The following ZSWIM9 variants were observed in gnomAD, a reference collection of about 807,000 sequenced individuals.
The protein encoded by ZSWIM9 is zinc finger SWIM-type containing 9.
ZSWIM9 carries 11 observed loss-of-function variants against 25.0 expected under a neutral mutation model. That is an observed-to-expected ratio of 0.44 (90% confidence interval 0.28 to 0.73). The LOEUF is 0.73. Among genes scored for constraint, ZSWIM9 ranks in the 30% least tolerant of loss-of-function variants. The pLI is 0.16. For missense variants in ZSWIM9, 1,070 were observed against 1,296.5 expected, an observed-to-expected ratio of 0.83 and a Z score of 2.68; for synonymous variants, 562 against 582.1, an observed-to-expected ratio of 0.97 and a Z score of 0.50.
intron 3 of ZSWIM9, among the ~76,000 whole-genome samples, chr19:48,187,467 A>G (rs2037031779): frequency 1.2e-5 from 1 of 84,722 alleles, no homozygotes; most frequent in African/African-American, 5.3e-5. Context: ...TTAATTATAT[A>G]TATTATATAT....
At position 48,175,288 on chromosome 19, in the gene ZSWIM9, T is replaced by C. The variant is rs116884052; in HGVS notation, c.275+3211T>C. 5.5e-3 allele frequency among the ~76,000 whole-genome samples: 839 copies of C among 151,904 alleles called. 26 individuals carry two copies. The East Asian group carries it at 0.077, about 14-fold the overall frequency. ...GGGTACACTCCTGGGACTGGGTAGA[T>C]GATGAGATGGTCTCTGAATGGGGAG... On this transcript the variant is annotated intron_variant, in intron 2 of 3. Transcript: ENST00000614654.
In ZSWIM9 at chr19:48,196,122, G is replaced by A. The variant is rs1428460597; in HGVS notation, c.2058G>A (p.Trp686Ter). 4 of 1,242,452 alleles carry A rather than the reference G, an allele frequency of 3.2e-6. No homozygotes were observed. The highest frequency in any genetic ancestry group is 4.0e-6 in the Non-Finnish European group (4 of 995,044). 77.0% of individuals were successfully genotyped at this position (1,242,452 alleles called of 1,614,324 possible). A position where few individuals can be genotyped will look rare whatever the true frequency, so the allele number is the denominator to read the frequency against. ...PENGDQRGPQ[W>*]EDERRRGPEI... ...ACGGAGACCAAAGGGGACCCCAGTG[G>A]GAAGATGAGAGGAGGAGAGGGCCAG... is the stretch of plus-strand genomic sequence containing the variant. Residue 686 changes from tryptophan to a stop codon, truncating the protein, a stop_gained, in exon 4 of 4, where the codon TGG becomes TGA. Transcript: ENST00000614654. LOFTEE classifies it low-confidence loss of function (END_TRUNC).
At chr19:48,190,089 G>T (rs1440514484) in intron 3 of ZSWIM9, among the ~76,000 whole-genome samples, 1 of 151,776 alleles carries the variant, frequency 6.6e-6, no homozygotes, top group Non-Finnish European at 1.5e-5. Flanking sequence ...TGTAGTCCCA[G>T]CTACTCGGGA....
intron 3 of ZSWIM9, among the ~76,000 whole-genome samples, chr19:48,187,197 T>TA (rs1189659595): frequency 0.03 from 3,675 of 123,422 alleles, 47 homozygotes; most frequent in Middle Eastern, 0.049. Flanking sequence ...GCCTCTGATT[T>TA]AAAAAAAAAA....
Position 48,172,000 on chromosome 19 carries a change from G to T in ZSWIM9, c.198G>T (p.Thr66=). 1.3e-6 allele frequency: 2 copies of T among 1,535,632 alleles called. No homozygotes were observed. Among genetic ancestry groups the T allele is most frequent in the Non-Finnish European group, 8.7e-7 (1 of 1,146,576 alleles). ...GGGCCAGTGCGCCCCCGCTCTACAC[G>T]CTCATCGACGTGCTCAAGTACAGCT... ...CRWASAPPLY[T]LIDVLKYSYV... is the part of the protein sequence containing the mutation. Residue 66 remains threonine, a synonymous_variant, in exon 2 of 4, where the codon ACG becomes ACT. Transcript: ENST00000614654.
chr19:48,197,220 C>T lies in ZSWIM9; in HGVS notation c.*393C>T, dbSNP rs146323828. 0.011 allele frequency: 7,743 copies of T among 694,350 alleles called. 57 individuals carry two copies. Among genetic ancestry groups the T allele is most frequent in the Non-Finnish European group, 0.015 (5,663 of 382,612 alleles). 43.0% of individuals were successfully genotyped at this position (694,350 alleles called of 1,614,324 possible). On this transcript the variant is annotated 3_prime_UTR_variant, in exon 4 of 4. Transcript: ENST00000614654. Reference sequence around the variant, plus strand: ...AGACTGGCCAGTCTAGGGAGTGCAGCGGGGAGAGGGGAAAGGGAGAAAGTA... The same window carrying T: ...AGACTGGCCAGTCTAGGGAGTGCAGTGGGGAGAGGGGAAAGGGAGAAAGTA...
chr19:48,175,628 G>A (rs1456337424), intron 2 of ZSWIM9, among the ~76,000 whole-genome samples: 1 of 152,120 alleles, frequency 6.6e-6, no homozygotes, highest in African/African-American at 2.4e-5. Context: ...GGGGCCGTGT[G>A]GGAGACGATG....
chr19:48,196,465 G>T lies in ZSWIM9; in HGVS notation c.2401G>T (p.Asp801Tyr). ...AGDGLQEGGE[D>Y]GPREPKRLCR... ...TGACGGCCTGCAGGAAGGAGGCGAA[G>T]ATGGCCCCAGGGAACCAAAGAGGCT... Residue 801 changes from aspartate to tyrosine, a missense_variant, in exon 4 of 4, where the codon GAT (aspartate) becomes TAT (tyrosine). This residue lies in a region of ZSWIM9 where 583 missense variants were observed against 624.7 expected (regional missense o/e 0.93). Coordinates refer to ENST00000614654, the MANE Select transcript of ZSWIM9 (RefSeq NM_199341.4). 8.1e-7 allele frequency: 1 copy of T among 1,232,760 alleles called. No homozygotes were observed. Among genetic ancestry groups the T allele is most frequent in the Non-Finnish European group, 1.0e-6 (1 of 988,512 alleles). The allele number at this position is 1,232,760 out of a possible 1,614,324, so 76.4% of individuals were successfully genotyped here.
chr19:48,177,834 A>G lies in ZSWIM9; in HGVS notation c.276-4621A>G, dbSNP rs1013643393. On this transcript the variant is annotated intron_variant, in intron 2 of 3. Coordinates refer to ENST00000614654, the MANE Select transcript of ZSWIM9 (RefSeq NM_199341.4). ...TTCCTTTGCTTCCACCTGATACCACATGGTGGCTGTATGTTTATTTTATTC... is the reference window on the plus strand; with the variant it reads ...TTCCTTTGCTTCCACCTGATACCACGTGGTGGCTGTATGTTTATTTTATTC... Among the ~76,000 whole-genome samples, 4 of 152,200 alleles carry G rather than the reference A, an allele frequency of 2.6e-5. 1 individual carries two copies. The highest frequency in any genetic ancestry group is 4.1e-4 in the South Asian group (2 of 4,830).
chr19:48,197,428 G>A lies in ZSWIM9; in HGVS notation c.*601G>A. The stretch of plus-strand genomic sequence containing the variant: ...ATCGGAGATGAGACAAAAGAAATGT[G>A]TGGGAGACGGGTAGAGACGAAATGC... On this transcript the variant is annotated 3_prime_UTR_variant, in exon 4 of 4. Coordinates refer to ENST00000614654, the MANE Select transcript of ZSWIM9 (RefSeq NM_199341.4). 1 of 623,158 alleles carries A rather than the reference G, an allele frequency of 1.6e-6. No individual in the cohort carries two copies. The highest frequency in any genetic ancestry group is 2.7e-5 in the East Asian group (1 of 36,474). 38.6% of individuals were successfully genotyped at this position (623,158 alleles called of 1,614,324 possible).
intron 1 of ZSWIM9, 65 bp from the exon 2 acceptor site, chr19:48,171,729 A>G (rs1599916983): frequency 7.0e-7 from 1 of 1,431,296 alleles, no homozygotes; most frequent in Admixed American, 2.4e-5. Flanking sequence ...CCAAGAATGG[A>G]GTAGATGAGA....
Position 48,176,590 on chromosome 19 carries a change from A to G in ZSWIM9, c.275+4513A>G, listed in dbSNP as rs528233479. 1.3e-4 allele frequency among the ~76,000 whole-genome samples: 19 copies of G among 151,920 alleles called. No homozygotes were observed. The South Asian group carries it at 1.5e-3, about 12-fold the overall frequency. ...CTCTCCTTCCCTCATCTTTATTTCA[A>G]TCATTCAACCCTCAGTGTGAGGGTT... On this transcript the variant is annotated intron_variant, in intron 2 of 3. Transcript: ENST00000614654.
chr19:48,196,093 G>GA lies in ZSWIM9; in HGVS notation c.2030dup (p.Asn678GlufsTer12). 8.0e-7 allele frequency: 1 copy of GA among 1,244,254 alleles called. No individual in the cohort carries two copies. Among genetic ancestry groups the GA allele is most frequent in the African/African-American group, 1.5e-5 (1 of 64,538 alleles). The allele number at this position is 1,244,254 out of a possible 1,614,324, so 77.1% of individuals were successfully genotyped here. On this transcript the variant is annotated frameshift_variant, in exon 4 of 4. Transcript: ENST00000614654. LOFTEE classifies it low-confidence loss of function (END_TRUNC). ...GGAGAAGTCCCTGGAGTTGGCCCCT[G>GA]AGAACGGAGACCAAAGGGGACCCCA... is the stretch of plus-strand genomic sequence containing the variant.
In ZSWIM9 at chr19:48,197,086, G is replaced by A. The variant is rs2037176360; in HGVS notation, c.*259G>A. ...CTGAGGGCTTCCCTCTGGAGAGGAA[G>A]CATGTGATGAGAGGTGTAGACAGGG... On this transcript the variant is annotated 3_prime_UTR_variant, in exon 4 of 4. Coordinates refer to ENST00000614654, the MANE Select transcript of ZSWIM9 (RefSeq NM_199341.4). The A allele has an allele frequency of 3.5e-6, 2 of 577,394 alleles. No individual in the cohort carries two copies. Among genetic ancestry groups the A allele is most frequent in the African/African-American group, 1.9e-5 (1 of 53,230 alleles). The allele number at this position is 577,394 out of a possible 1,614,324, so 35.8% of individuals were successfully genotyped here. A position where few individuals can be genotyped will look rare whatever the true frequency, so the allele number is the denominator to read the frequency against.
At chr19:48,177,663 G>A (rs1430985368) in intron 2 of ZSWIM9, among the ~76,000 whole-genome samples, 1 of 152,108 alleles carries the variant, frequency 6.6e-6, no homozygotes, top group African/African-American at 2.4e-5. Context: ...CGGAGCAAGG[G>A]GCTGTCCTAG....
chr19:48,185,673 C>A (rs1451238824), intron 3 of ZSWIM9, among the ~76,000 whole-genome samples: 1 of 152,140 alleles, frequency 6.6e-6, no homozygotes, highest in East Asian at 1.9e-4. Context: ...CCCGGTGGAA[C>A]TTTCTACAAT....
At chr19:48,181,717 G>A (rs978854568) in intron 2 of ZSWIM9, 21 of 152,148 alleles carry the variant, frequency 1.4e-4, no homozygotes, top group Admixed American at 1.1e-3. Flanking sequence ...AGTTCCAGTT[G>A]CTCCACGTCC....
intron 3 of ZSWIM9, among the ~76,000 whole-genome samples, chr19:48,192,726 T>A (rs2037113748): frequency 6.6e-6 from 1 of 151,498 alleles, no homozygotes; most frequent in Non-Finnish European, 1.5e-5. Context: ...TCAGTTTCCA[T>A]GATTCACTAG....
At chr19:48,192,476 A>AGT (rs1568582386) in intron 3 of ZSWIM9, among the ~76,000 whole-genome samples, 1 of 22,566 alleles carries the variant, frequency 4.4e-5, no homozygotes, top group African/African-American at 1.4e-4. Context: ...AAAAAAAAAA[A>AGT]AAAAATATAT....
Sources: gnomAD v4.1 joint callset for allele counts (sites outside exome capture counted in the v4.1 genomes callset) on GRCh38, gnomAD v4.1.1 for gene constraint, gnomAD v4.1.1 regional missense constraint, MANE v1.5 for transcripts, NCBI Gene and HGNC (gene_info 2026-07-23, HGNC 2026-07-21) for gene names.